PDE4B: variants seen among roughly 807,000 people sequenced by gnomAD.
PDE4B encodes the protein phosphodiesterase 4B.
PDE4B carries 20 observed loss-of-function variants against 82.2 expected under a neutral mutation model. That is an observed-to-expected ratio of 0.24 (90% CI 0.17 to 0.35). The LOEUF (loss-of-function observed/expected upper bound fraction) is 0.35, where lower values mean the gene tolerates loss of function less well. Ranked by LOEUF, PDE4B falls within the 10% of genes least tolerant of loss-of-function variation. PDE4B has a pLI of 1.00. For synonymous variants in PDE4B, 320 were observed against 318.9 expected (o/e 1.00, Z -0.04); for missense variants, 655 against 907.2 (o/e 0.72, Z 3.57).
At chr1:66,234,128 A>C (rs1045635814) in intron 3 of PDE4B, among the ~76,000 whole-genome samples, 1 of 152,214 alleles carries the variant, frequency 6.6e-6, no homozygotes, top group Non-Finnish European at 1.5e-5. Flanking sequence ...TTATCTGGGC[A>C]TGCAGTTTTC....
chr1:66,127,148 A>T (rs1243042886), intron 3 of PDE4B, among the ~76,000 whole-genome samples: 2 of 151,956 alleles, frequency 1.3e-5, no homozygotes, highest in Non-Finnish European at 2.9e-5. Context: ...AGTTAATAGT[A>T]TTGTACTATG....
At chr1:65,916,211 A>C (rs1170772266) in intron 2 of PDE4B, among the ~76,000 whole-genome samples, 1 of 152,202 alleles carries the variant, frequency 6.6e-6, no homozygotes, top group African/African-American at 2.4e-5. Context: ...CAATGCATTT[A>C]ATATTAACTG....
At chr1:66,271,104 A>G (rs1469107399) in intron 7 of PDE4B, among the ~76,000 whole-genome samples, 4 of 152,276 alleles carry the variant, frequency 2.6e-5, no homozygotes, top group Non-Finnish European at 4.4e-5. Context: ...TTTCATACAT[A>G]TCTAAAATTA....
intron 3 of PDE4B, among the ~76,000 whole-genome samples, chr1:66,196,295 T>G (rs949248922): frequency 1.3e-5 from 2 of 152,210 alleles, no homozygotes; most frequent in Non-Finnish European, 2.9e-5. Context: ...TTCTCTGAAC[T>G]TTACTTGCTT....
At chr1:66,066,825 C>A (rs556710441) in intron 3 of PDE4B, among the ~76,000 whole-genome samples, 2 of 152,002 alleles carry the variant, frequency 1.3e-5, no homozygotes, top group African/African-American at 4.8e-5. Context: ...AGACTTCTAA[C>A]TAGCGATGTG....
chr1:66,203,919 T>C (rs1649281385), intron 3 of PDE4B, among the ~76,000 whole-genome samples: 6 of 152,078 alleles, frequency 3.9e-5, no homozygotes, highest in Admixed American at 2.6e-4. Flanking sequence ...GGAGGAGAGG[T>C]GCTCTGCTTT....
chr1:66,310,931 G>A (rs1249940890), intron 7 of PDE4B, among the ~76,000 whole-genome samples: 1 of 152,172 alleles, frequency 6.6e-6, no homozygotes, highest in African/African-American at 2.4e-5. Context: ...CCCATATTGA[G>A]TGCTCGATAA....
chr1:66,050,804 A>T (rs1477688549), intron 3 of PDE4B: 1 of 152,150 alleles, frequency 6.6e-6, no homozygotes, highest in Non-Finnish European at 1.5e-5. Context: ...GTGAAGGAGC[A>T]TCATCGTTAC....
chr1:65,809,377 C>G (rs1645794094), intron 1 of PDE4B, among the ~76,000 whole-genome samples: 1 of 137,368 alleles, frequency 7.3e-6, no homozygotes, highest in Non-Finnish European at 1.6e-5. Context: ...AAAACGAATT[C>G]AGAAGATGCA....
chr1:66,046,755 A>G (rs1013891820), intron 3 of PDE4B, among the ~76,000 whole-genome samples: 3 of 151,858 alleles, frequency 2.0e-5, no homozygotes, highest in Non-Finnish European at 2.9e-5. Flanking sequence ...AGGCTACTCA[A>G]TGAGGAAAGA....
rs777016337 is a variant in PDE4B at position 66,286,687 on chromosome 1, C to G, written c.634+20600C>G. Among the ~76,000 whole-genome samples, 3 of 152,218 alleles carry G rather than the reference C, an allele frequency of 2.0e-5. No homozygotes were observed. In the East Asian group the frequency reaches 5.8e-4, roughly 29 times the overall value. ...TTTTGGCAACATAAACATGGGAAAA[C>G]TTGTGGTCACAGGGTCAGGACTCTT... On this transcript the variant is annotated intron_variant, in intron 7 of 16. Transcript: ENST00000341517.
At chr1:66,300,350 C>A (rs1657798671) in intron 7 of PDE4B, among the ~76,000 whole-genome samples, 1 of 152,124 alleles carries the variant, frequency 6.6e-6, no homozygotes, top group African/African-American at 2.4e-5. Context: ...GCTGGACTCA[C>A]TTCTCCTTGC....
At chr1:66,051,893 G>C (rs1655048318) in intron 3 of PDE4B, among the ~76,000 whole-genome samples, 1 of 152,134 alleles carries the variant, frequency 6.6e-6, no homozygotes, top group Non-Finnish European at 1.5e-5. Context: ...CCCAGCTCCT[G>C]CCTTTTTATC....
chr1:66,089,007 A>G (rs1198551131), intron 3 of PDE4B, among the ~76,000 whole-genome samples: 1 of 152,102 alleles, frequency 6.6e-6, no homozygotes, highest in East Asian at 1.9e-4. Flanking sequence ...TGAGAATGAG[A>G]AATAAAATGT....
intron 4 of PDE4B, among the ~76,000 whole-genome samples, chr1:66,248,771 G>T (rs1179735526): frequency 6.6e-6 from 1 of 152,172 alleles, no homozygotes; most frequent in East Asian, 1.9e-4. Flanking sequence ...AGCTAAATAA[G>T]AAAGATAAGA....
At chr1:65,983,683 C>T (rs1204203651) in intron 3 of PDE4B, among the ~76,000 whole-genome samples, 3 of 152,166 alleles carry the variant, frequency 2.0e-5, no homozygotes, top group African/African-American at 7.2e-5. Context: ...CCCTCACAAC[C>T]CTCAGAGGAG....
intron 8 of PDE4B, among the ~76,000 whole-genome samples, chr1:66,350,890 T>C (rs1483838328): frequency 6.6e-6 from 1 of 152,192 alleles, no homozygotes; most frequent in Non-Finnish European, 1.5e-5. Context: ...TCAAACAAAA[T>C]GTTCCTATCA....
chr1:65,821,853 T>G (rs902708398), intron 1 of PDE4B, among the ~76,000 whole-genome samples: 2 of 152,224 alleles, frequency 1.3e-5, no homozygotes, highest in Admixed American at 6.5e-5. Flanking sequence ...GTCCATCTTT[T>G]GTATTGTGAA....
chr1:66,243,046 T>C (rs962567876), intron 3 of PDE4B, among the ~76,000 whole-genome samples: 2 of 152,192 alleles, frequency 1.3e-5, no homozygotes, highest in Admixed American at 6.5e-5. Context: ...CTCCTGCGAG[T>C]TTGTGTAAAG....
Sources: gnomAD v4.1 joint callset for allele counts (sites outside exome capture counted in the v4.1 genomes callset) on GRCh38, gnomAD v4.1.1 for gene constraint, MANE v1.5 for transcripts, NCBI Gene and HGNC (gene_info 2026-07-23, HGNC 2026-07-21) for gene names.